The following SLC7A5 variants were observed in gnomAD, a reference collection of about 807,000 sequenced individuals.
SLC7A5 encodes large neutral amino acids transporter small subunit 1.
SLC7A5 carries 23 observed loss-of-function variants against 50.2 expected under a neutral mutation model. The observed-to-expected ratio is 0.46, with a 90% CI of 0.33 to 0.65. The LOEUF (loss-of-function observed/expected upper bound fraction) is 0.65. SLC7A5 is among the 30% of genes least tolerant of loss of function. The probability of loss-of-function intolerance (pLI) is 0.02; values close to 1 mark genes in which losing one functional copy is unlikely to be tolerated. For synonymous variants in SLC7A5, 393 were observed against 330.6 expected (o/e 1.19, Z -2.05); for missense variants, 578 against 684.4 (o/e 0.84, Z 1.73).
In SLC7A5 at chr16:87,852,614, T is replaced by C. The variant is rs1232721948; in HGVS notation, c.539-765A>G. ...GACACCAGCACGTCCTCCTGGGCCCTGTAAGGCACCCAGCTCTGAGCCTCT... is the reference window on the plus strand; with the variant it reads ...GACACCAGCACGTCCTCCTGGGCCCCGTAAGGCACCCAGCTCTGAGCCTCT... On this transcript the variant is annotated intron_variant, in intron 1 of 9. Transcript: ENST00000261622. The surrounding 1 kb of genome is among the most constrained non-coding windows in gnomAD (Gnocchi z 4.5). 6.7e-6 allele frequency among the ~76,000 whole-genome samples: 1 copy of C among 149,760 alleles called. No homozygotes were observed. The highest frequency in any genetic ancestry group is 1.5e-5 in the Non-Finnish European group (1 of 67,798).
intron 2 of SLC7A5, among the ~76,000 whole-genome samples, chr16:87,844,917 C>T (rs1188925664): frequency 6.6e-6 from 1 of 152,234 alleles, no homozygotes; most frequent in East Asian, 1.9e-4. Flanking sequence ...GTGCAATTAG[C>T]GAAGGACCTT....
intron 7 of SLC7A5, chr16:87,837,598 T>G: frequency 2.0e-6 from 1 of 508,878 alleles, no homozygotes; most frequent in Non-Finnish European, 3.6e-6. Flanking sequence ...GCACCCCGGG[T>G]CAGCTTCTGC....
At position 87,841,178 on chromosome 16, in the gene SLC7A5, T is replaced by C; in HGVS notation, c.665-23A>G. The C allele has an allele frequency of 2.0e-6, 3 of 1,521,468 alleles. No homozygotes were observed. Among genetic ancestry groups the C allele is most frequent in the Non-Finnish European group, 2.7e-6 (3 of 1,095,970 alleles). The allele number at this position is 1,521,468 out of a possible 1,614,324, so 94.2% of individuals were successfully genotyped here. On this transcript the variant is annotated intron_variant, in intron 2 of 9. Transcript: ENST00000261622. The surrounding 1 kb of genome is among the most constrained non-coding windows in gnomAD (Gnocchi z 4.8). ...CACCTGGCAGGGCCAAAGAAAGGAA[T>C]GCTGGGTTAGAGAGCGCTGAACAGA...
At chr16:87,837,049 C>T (rs760497128) in intron 7 of SLC7A5, among the ~76,000 whole-genome samples, 28 of 152,352 alleles carry the variant, frequency 1.8e-4, no homozygotes, top group Non-Finnish European at 2.9e-4. Flanking sequence ...CTGTAACCCC[C>T]GGCACAGCCG....
At chr16:87,836,446 G>T in intron 8 of SLC7A5, 52 bp downstream of exon 8, 2 of 1,596,712 alleles carry the variant, frequency 1.3e-6, no homozygotes, top group Non-Finnish European at 1.7e-6. Flanking sequence ...TAGGACCCAC[G>T]GACCCTGCCT....
chr16:87,839,694 CG>C lies in SLC7A5; in HGVS notation c.939+7del. On this transcript the variant is annotated splice_region_variant and intron_variant, in intron 5 of 9. Transcript: ENST00000261622. Reference sequence around the variant, plus strand: ...GCCCCTGGTGGAAGCTGGCGGGTAGCGGCTCACCACGGCCACGGCCTCGGAC... The same window carrying C: ...GCCCCTGGTGGAAGCTGGCGGGTAGCGCTCACCACGGCCACGGCCTCGGAC... 6.2e-7 allele frequency: 1 copy of C among 1,612,938 alleles called. No individual in the cohort carries two copies. Among genetic ancestry groups the C allele is most frequent in the Non-Finnish European group, 8.5e-7 (1 of 1,179,810 alleles).
chr16:87,863,892 T>C lies in SLC7A5; in HGVS notation c.538+4993A>G, dbSNP rs576757975. 1.7e-4 allele frequency among the ~76,000 whole-genome samples: 26 copies of C among 150,466 alleles called. 1 individual carries two copies. The South Asian group carries it at 5.5e-3, about 32-fold the overall frequency. On this transcript the variant is annotated intron_variant, in intron 1 of 9. Coordinates refer to ENST00000261622, the MANE Select transcript of SLC7A5 (RefSeq NM_003486.7). ...GACCCGAAAGCCACTGTACCTTCTG[T>C]AGGATCAGGCTCAAGGAATAAGGGG...
rs573467163 is a variant in SLC7A5, at chr16:87,852,051, T to A, written c.539-202A>T. ...TGTTTTGATAAACTTCGCAGTCCTT[T>A]CAGGTCTAAGGGCTGGATCCCAGGT... On this transcript the variant is annotated intron_variant, in intron 1 of 9. Transcript: ENST00000261622. This position sits in a 1 kb window ranked among gnomAD's most constrained non-coding sequence, Gnocchi z 4.5. 6.6e-6 allele frequency among the ~76,000 whole-genome samples: 1 copy of A among 152,220 alleles called. No individual in the cohort carries two copies. Among genetic ancestry groups the A allele is most frequent in the Non-Finnish European group, 1.5e-5 (1 of 67,986 alleles).
intron 1 of SLC7A5, among the ~76,000 whole-genome samples, chr16:87,864,343 T>G (rs2055436374): frequency 6.6e-6 from 1 of 152,126 alleles, no homozygotes; most frequent in South Asian, 2.1e-4. Flanking sequence ...TCACTTTCTA[T>G]GGCTTTTCAC....
At chr16:87,846,537 T>C (rs1479895157) in intron 2 of SLC7A5, among the ~76,000 whole-genome samples, 1 of 152,206 alleles carries the variant, frequency 6.6e-6, no homozygotes, top group Non-Finnish European at 1.5e-5. Flanking sequence ...AGTGGGGTCC[T>C]CAGGGTGGGG....
At chr16:87,835,747 T>C (rs895153547) in intron 8 of SLC7A5, among the ~76,000 whole-genome samples, 9 of 152,206 alleles carry the variant, frequency 5.9e-5, no homozygotes, top group Non-Finnish European at 2.9e-5. Context: ...GTGCTGGGAT[T>C]ACAGGCGTGA....
chr16:87,867,986 G>A (rs1597523104), intron 1 of SLC7A5, among the ~76,000 whole-genome samples: 1 of 151,634 alleles, frequency 6.6e-6, no homozygotes. Context: ...GCGTAGTGGC[G>A]GGCACCTGTA....
Position 87,869,263 on chromosome 16 carries a change from T to A in SLC7A5, c.160A>T (p.Asn54Tyr). Residue 54 changes from asparagine (N) to tyrosine (Y), a missense_variant, in exon 1 of 10, where the codon AAC becomes TAC. Physicochemically the swap from Asn to Tyr is moderately radical, Grantham distance 143. Transcript: ENST00000261622. ...VTLQRNITLL[N>Y]GVAIIVGTII... The stretch of plus-strand genomic sequence containing the variant: ...GTCCCCACGATGATGGCCACGCCGT[T>A]GAGCAGCGTGATGTTCCGCTGCAGG... The A allele has an allele frequency of 5.0e-6, 8 of 1,612,462 alleles. No homozygotes were observed. Among genetic ancestry groups the A allele is most frequent in the Non-Finnish European group, 6.8e-6 (8 of 1,179,830 alleles).
At chr16:87,866,913 G>A (rs531330983) in intron 1 of SLC7A5, among the ~76,000 whole-genome samples, 1 of 152,102 alleles carries the variant, frequency 6.6e-6, no homozygotes, top group Non-Finnish European at 1.5e-5. Context: ...CCAGCAGGAA[G>A]TCAGAGACTC....
At chr16:87,858,544 C>T (rs2055348929) in intron 1 of SLC7A5, among the ~76,000 whole-genome samples, 1 of 152,194 alleles carries the variant, frequency 6.6e-6, no homozygotes, top group South Asian at 2.1e-4. Flanking sequence ...GCCAATCCAA[C>T]ACCTCCATTT....
intron 1 of SLC7A5, among the ~76,000 whole-genome samples, chr16:87,854,985 G>A (rs561489655): frequency 7.2e-5 from 11 of 152,370 alleles, no homozygotes; most frequent in Admixed American, 3.3e-4. Context: ...CCCACAGCCC[G>A]GTGAAGGAAG....
intron 6 of SLC7A5, 33 bp from the exon 7 acceptor site, chr16:87,837,974 C>T (rs1364227557): frequency 2.0e-6 from 3 of 1,523,770 alleles, no homozygotes; most frequent in East Asian, 4.6e-5. Flanking sequence ...GAGTCAGCCA[C>T]CGCCCCACAA....
chr16:87,848,457 G>A (rs911302268), intron 2 of SLC7A5, among the ~76,000 whole-genome samples: 5 of 152,242 alleles, frequency 3.3e-5, no homozygotes, highest in Non-Finnish European at 5.9e-5. Flanking sequence ...TCATGGGACG[G>A]TGGGTCAGAT....
At chr16:87,836,857 G>A in intron 7 of SLC7A5, 1 of 552,606 alleles carries the variant, frequency 1.8e-6, no homozygotes, top group Non-Finnish European at 3.3e-6. Flanking sequence ...GAAGAGGCGG[G>A]GAGGAGGGAA....
Sources: allele counts gnomAD v4.1 joint callset (sites outside exome capture counted in the v4.1 genomes callset), GRCh38; gene constraint gnomAD v4.1.1; non-coding constraint Gnocchi (gnomAD v3.1); transcripts MANE v1.5; gene names NCBI Gene and HGNC (gene_info 2026-07-23, HGNC 2026-07-21).